EYS: variants seen among roughly 807,000 people sequenced by gnomAD.
The protein encoded by EYS is protein eyes shut homolog.
EYS carries 250 observed loss-of-function variants against 282.1 expected under a neutral mutation model. The observed-to-expected ratio is 0.89, with a 90% CI of 0.80 to 0.98. EYS has a LOEUF of 0.98. EYS is among the 50% of genes least tolerant of loss of function. The probability of loss-of-function intolerance (pLI) is 0.00; values close to 1 mark genes in which losing one functional copy is unlikely to be tolerated. For missense variants in EYS, 4,016 were observed against 3,709.0 expected (o/e 1.08, Z -2.15); for synonymous variants, 1,355 against 1,282.9 (o/e 1.06, Z -1.20).
intron 26 of EYS, among the ~76,000 whole-genome samples, chr6:64,538,890 C>G (rs1246278263): frequency 6.6e-6 from 1 of 152,116 alleles, no homozygotes; most frequent in East Asian, 1.9e-4. Context: ...CTTTCTACTC[C>G]ACCAGGAATA....
At chr6:65,282,562 A>G (rs910629111) in intron 12 of EYS, among the ~76,000 whole-genome samples, 1 of 152,036 alleles carries the variant, frequency 6.6e-6, no homozygotes, top group Non-Finnish European at 1.5e-5. Context: ...AAATTTTACT[A>G]CATGATTATA....
intron 29 of EYS, among the ~76,000 whole-genome samples, chr6:64,334,314 G>T (rs1409495397): frequency 6.6e-6 from 1 of 152,084 alleles, no homozygotes; most frequent in Non-Finnish European, 1.5e-5. Flanking sequence ...GAAAAATAAG[G>T]CCATCCTTTT....
At chr6:65,227,452 C>T (rs1340252187) in intron 12 of EYS, among the ~76,000 whole-genome samples, 1 of 152,088 alleles carries the variant, frequency 6.6e-6, no homozygotes, top group Non-Finnish European at 1.5e-5. Flanking sequence ...ATCTGCACTG[C>T]TTGTGGAAGT....
At position 63,721,629 on chromosome 6, in the gene EYS, C is replaced by G. The variant is rs1163416783; in HGVS notation, c.8402G>C (p.Gly2801Ala). The G allele has an allele frequency of 5.8e-6, 9 of 1,550,948 alleles. No homozygotes were observed. The highest frequency in any genetic ancestry group is 5.2e-6 in the Non-Finnish European group (6 of 1,146,480). ...GGAGGCCTTTTCTGTTACATTTATC[C>G]CATCTAGATCCAGGTAGCCTTCTGC... Reference protein sequence around the residue: ...VGAEGYLDLDGINVTEKASTK... With the variant: ...VGAEGYLDLDAINVTEKASTK... Residue 2801 changes from glycine to alanine, a missense_variant, in exon 43 of 43, where the codon GGG becomes GCG. Gly to Ala is a moderately conservative substitution (Grantham distance 60). Coordinates refer to ENST00000503581, the MANE Select transcript of EYS (RefSeq NM_001142800.2).
At chr6:65,240,662 C>A (rs893453464) in intron 12 of EYS, among the ~76,000 whole-genome samples, 7 of 152,166 alleles carry the variant, frequency 4.6e-5, no homozygotes, top group Non-Finnish European at 8.8e-5. Flanking sequence ...TATATCACCA[C>A]ATTTTTTTAT....
intron 1 of EYS, among the ~76,000 whole-genome samples, chr6:65,696,086 A>G (rs1019102919): frequency 2.0e-5 from 3 of 151,998 alleles, no homozygotes; most frequent in Non-Finnish European, 4.4e-5. Flanking sequence ...CAGCAATCCT[A>G]TAAAACAAAA....
At chr6:65,340,304 T>A (rs1271469248) in intron 10 of EYS, among the ~76,000 whole-genome samples, 1 of 151,096 alleles carries the variant, frequency 6.6e-6, no homozygotes, top group East Asian at 2.0e-4. Context: ...ATTATGTGTT[T>A]CCATTCCAGA....
intron 26 of EYS, among the ~76,000 whole-genome samples, chr6:64,551,414 T>A (rs1176674071): frequency 6.6e-6 from 1 of 151,984 alleles, no homozygotes; most frequent in Non-Finnish European, 1.5e-5. Flanking sequence ...ACTTTGCCTA[T>A]TCTTCTTACT....
intron 12 of EYS, among the ~76,000 whole-genome samples, chr6:65,177,457 G>A (rs968299338): frequency 6.6e-6 from 1 of 151,766 alleles, no homozygotes; most frequent in Non-Finnish European, 1.5e-5. Flanking sequence ...GTTTGTCATA[G>A]CAGTTGAGTC....
intron 12 of EYS, among the ~76,000 whole-genome samples, chr6:65,066,434 C>A (rs1773748358): frequency 6.6e-6 from 1 of 152,108 alleles, no homozygotes; most frequent in African/African-American, 2.4e-5. Context: ...AATATGGAAA[C>A]CCATTTTCCT....
chr6:65,096,399 T>C (rs1774741204), intron 12 of EYS, among the ~76,000 whole-genome samples: 1 of 150,930 alleles, frequency 6.6e-6, no homozygotes, highest in African/African-American at 2.4e-5. Flanking sequence ...AGAATTAATA[T>C]TGTAAAAATG....
intron 12 of EYS, among the ~76,000 whole-genome samples, chr6:65,219,372 T>C (rs1582030640): frequency 6.6e-6 from 1 of 152,124 alleles, no homozygotes; most frequent in Non-Finnish European, 1.5e-5. Context: ...CCATACAGAA[T>C]AGTTCACAAC....
chr6:64,798,817 T>G (rs989673110), intron 22 of EYS, among the ~76,000 whole-genome samples: 16 of 151,574 alleles, frequency 1.1e-4, no homozygotes, highest in South Asian at 2.1e-4. Context: ...TACCCCAGCC[T>G]AAGTAAAGTA....
intron 22 of EYS, among the ~76,000 whole-genome samples, chr6:64,636,028 A>G (rs1757437266): frequency 6.6e-6 from 1 of 152,112 alleles, no homozygotes; most frequent in South Asian, 2.1e-4. Flanking sequence ...TCAGAGATTC[A>G]ACTTCAATCC....
chr6:64,530,505 CA>C (rs1433542473), intron 26 of EYS, among the ~76,000 whole-genome samples: 2 of 151,812 alleles, frequency 1.3e-5, no homozygotes, highest in Non-Finnish European at 2.9e-5. Flanking sequence ...AACATATATG[CA>C]ATAATTTTAC....
At chr6:65,069,408 T>C (rs1279550244) in intron 12 of EYS, among the ~76,000 whole-genome samples, 1 of 152,098 alleles carries the variant, frequency 6.6e-6, no homozygotes, top group Non-Finnish European at 1.5e-5. Flanking sequence ...ACTTCTGCCT[T>C]TCCCTCTACA....
intron 1 of EYS, among the ~76,000 whole-genome samples, chr6:65,695,006 C>T (rs1432279480): frequency 6.6e-6 from 1 of 151,648 alleles, no homozygotes; most frequent in East Asian, 1.9e-4. Context: ...TGAGGTGAGA[C>T]CAGAAAGCTT....
chr6:64,985,966 C>T (rs539266437), intron 14 of EYS, among the ~76,000 whole-genome samples: 2 of 151,514 alleles, frequency 1.3e-5, no homozygotes, highest in African/African-American at 2.4e-5. Flanking sequence ...AATCCAGCTA[C>T]GTTCTGTCAC....
At chr6:64,868,143 A>G (rs1004828873) in intron 19 of EYS, among the ~76,000 whole-genome samples, 1 of 151,434 alleles carries the variant, frequency 6.6e-6, no homozygotes, top group African/African-American at 2.4e-5. Flanking sequence ...TTATATTTTT[A>G]TTTTAAAAAA....
Sources: allele counts gnomAD v4.1 joint callset (sites outside exome capture counted in the v4.1 genomes callset), GRCh38; gene constraint gnomAD v4.1.1; transcripts MANE v1.5; gene names NCBI Gene and HGNC (gene_info 2026-07-23, HGNC 2026-07-21).